The following FARS2 variants were observed in gnomAD, a reference collection of about 807,000 sequenced individuals.
FARS2 encodes phenylalanine--tRNA ligase, mitochondrial.
Under a neutral mutation model 46.4 loss-of-function variants are expected in FARS2, and 40 were observed. That is an observed-to-expected ratio of 0.86 (90% confidence interval 0.67 to 1.12). FARS2 has a LOEUF of 1.12. Ranked by LOEUF, FARS2 falls within the 50% of genes most tolerant of loss-of-function variation. FARS2 has a pLI of 0.00. For missense variants in FARS2, 513 were observed against 567.9 expected, an observed-to-expected ratio of 0.90 and a Z score of 0.98; for synonymous variants, 234 against 214.9, an observed-to-expected ratio of 1.09 and a Z score of -0.78.
intron 1 of FARS2, among the ~76,000 whole-genome samples, chr6:5,268,682 T>C (rs1164217873): frequency 6.6e-6 from 1 of 152,220 alleles, no homozygotes; most frequent in Non-Finnish European, 1.5e-5. Context: ...GACTTGGCAA[T>C]GCGGGCTCTT....
the FARS2 span, among the ~76,000 whole-genome samples, chr6:5,252,348 C>T: frequency 6.6e-6 from 1 of 152,178 alleles, no homozygotes; most frequent in Admixed American, 6.5e-5. Flanking sequence ...AGTTGCTTCT[C>T]CTCTCTATGC....
intron 5 of FARS2, among the ~76,000 whole-genome samples, chr6:5,612,277 A>C (rs574544976): frequency 5.9e-5 from 9 of 152,364 alleles, no homozygotes; most frequent in Admixed American, 5.9e-4. Context: ...GGTTTGTAGC[A>C]ATGTCAGGCT....
Position 5,434,676 on chromosome 6 carries a change from G to A in FARS2, c.904+3504G>A, listed in dbSNP as rs556538697. The stretch of plus-strand genomic sequence containing the variant: ...AGTTCTTATGGCGTGGAGAAAGACC[G>A]AATAGGTATACTTTATCCCACTCGT... On this transcript the variant is annotated intron_variant, in intron 4 of 6. Transcript: ENST00000274680. Among the ~76,000 whole-genome samples, 159 of 152,236 alleles carry A rather than the reference G, an allele frequency of 1.0e-3. 1 individual carries two copies. Among genetic ancestry groups the A allele is most frequent in the Non-Finnish European group, 1.8e-3 (120 of 68,026 alleles).
chr6:5,328,380 A>C (rs1223140717), intron 1 of FARS2, among the ~76,000 whole-genome samples: 1 of 152,138 alleles, frequency 6.6e-6, no homozygotes, highest in African/African-American at 2.4e-5. Context: ...TGAGTGATAC[A>C]AAGTTAGGGG....
At chr6:5,300,483 T>C (rs952215388) in intron 1 of FARS2, among the ~76,000 whole-genome samples, 4 of 152,174 alleles carry the variant, frequency 2.6e-5, no homozygotes, top group African/African-American at 7.2e-5. Context: ...TTAGATAATT[T>C]CATGACGGTT....
chr6:5,371,034 C>A, intron 2 of FARS2: 1 of 190,634 alleles, frequency 5.2e-6, no homozygotes, highest in Non-Finnish European at 9.7e-6. Context: ...GTTGCTGAAG[C>A]AGTTAGTAAC....
chr6:5,313,514 C>T (rs1561950641), intron 1 of FARS2, among the ~76,000 whole-genome samples: 1 of 152,150 alleles, frequency 6.6e-6, no homozygotes, highest in Non-Finnish European at 1.5e-5. Context: ...AGATCTTTTC[C>T]TGATTGGTAA....
At chr6:5,258,441 A>G (rs573867667), upstream of FARS2, among the ~76,000 whole-genome samples, 4 of 152,346 alleles carry the variant, frequency 2.6e-5, no homozygotes, top group Admixed American at 2.6e-4. Flanking sequence ...TTGTCAAAAC[A>G]AATGTGTTAA....
chr6:5,263,855 C>T (rs1888146), intron 1 of FARS2, among the ~76,000 whole-genome samples: 2,070 of 152,194 alleles, frequency 0.014, 25 homozygotes, highest in Non-Finnish European at 0.021. Flanking sequence ...TGTCCTTAAG[C>T]TTAAATATCA....
At chr6:5,710,566 G>A (rs557033694) in intron 6 of FARS2, among the ~76,000 whole-genome samples, 1 of 152,354 alleles carries the variant, frequency 6.6e-6, no homozygotes, top group Non-Finnish European at 1.5e-5. Context: ...ACTTCCCCGG[G>A]GGGCTTCCTA....
chr6:5,463,603 G>A (rs1361179765), intron 4 of FARS2, among the ~76,000 whole-genome samples: 1 of 151,946 alleles, frequency 6.6e-6, no homozygotes, highest in African/African-American at 2.4e-5. Flanking sequence ...AACAATAATA[G>A]GTGTGTTAAA....
At chr6:5,508,884 G>A (rs1433652764) in intron 4 of FARS2, among the ~76,000 whole-genome samples, 1 of 152,188 alleles carries the variant, frequency 6.6e-6, no homozygotes, top group African/African-American at 2.4e-5. Flanking sequence ...GAAGACTTTC[G>A]GAGGAAGAAA....
intron 1 of FARS2, among the ~76,000 whole-genome samples, chr6:5,351,862 A>C (rs967050393): frequency 1.3e-5 from 2 of 152,202 alleles, no homozygotes; most frequent in African/African-American, 4.8e-5. Context: ...TGGACAGTCA[A>C]GTTGTTTCTA....
At chr6:5,686,952 GTGA>G (rs1757278222) in intron 6 of FARS2, among the ~76,000 whole-genome samples, 1 of 152,248 alleles carries the variant, frequency 6.6e-6, no homozygotes, top group Admixed American at 6.5e-5. Flanking sequence ...CTGATGGCCA[GTGA>G]TGATGAGCAT....
intron 5 of FARS2, among the ~76,000 whole-genome samples, chr6:5,606,564 A>G (rs1774850113): frequency 6.6e-6 from 1 of 152,172 alleles, no homozygotes; most frequent in African/African-American, 2.4e-5. Flanking sequence ...TGTTGGGACT[A>G]GGAAAGGCCT....
intron 1 of FARS2, among the ~76,000 whole-genome samples, chr6:5,320,865 G>C (rs1299335346): frequency 1.3e-5 from 2 of 152,182 alleles, no homozygotes; most frequent in African/African-American, 4.8e-5. Context: ...CTCATAGATG[G>C]CACTTTCTAC....
At chr6:5,360,473 A>G (rs556975490) in intron 1 of FARS2, among the ~76,000 whole-genome samples, 4 of 152,288 alleles carry the variant, frequency 2.6e-5, no homozygotes, top group South Asian at 2.1e-4. Flanking sequence ...ATGTATTTCT[A>G]TTTTAAACAT....
chr6:5,351,731 A>G (rs138396655), intron 1 of FARS2, among the ~76,000 whole-genome samples: 46 of 152,340 alleles, frequency 3.0e-4, no homozygotes, highest in African/African-American at 1.1e-3. Context: ...TAAAGATGAT[A>G]TCATGAGATG....
intron 6 of FARS2, 91 bp downstream of exon 6, chr6:5,613,411 G>C: frequency 9.1e-7 from 1 of 1,100,082 alleles, no homozygotes; most frequent in African/African-American, 1.6e-5. Flanking sequence ...TGAAACCCAG[G>C]GTATCTGAGA....
Sources: allele counts gnomAD v4.1 joint callset (sites outside exome capture counted in the v4.1 genomes callset), GRCh38; gene constraint gnomAD v4.1.1; transcripts MANE v1.5; gene names NCBI Gene and HGNC (gene_info 2026-07-23, HGNC 2026-07-21).